PKN2: variants seen among roughly 807,000 people sequenced by gnomAD.
The protein encoded by PKN2 is protein kinase N2.
PKN2 carries 38 observed loss-of-function variants against 119.1 expected under a neutral mutation model. The observed-to-expected ratio is 0.32, with a 90% confidence interval of 0.25 to 0.42. The LOEUF is 0.42. Among genes scored for constraint, PKN2 ranks in the 10% least tolerant of loss-of-function variants. The pLI is 1.00. For missense variants in PKN2, 850 were observed against 1,165.1 expected, an observed-to-expected ratio of 0.73 and a Z score of 3.94; for synonymous variants, 390 against 384.9, an observed-to-expected ratio of 1.01 and a Z score of -0.15.
At chr1:88,789,229 TAGAG>T (rs557629268) in intron 8 of PKN2, among the ~76,000 whole-genome samples, 47 of 152,214 alleles carry the variant, frequency 3.1e-4, no homozygotes, top group African/African-American at 9.4e-4. Flanking sequence ...GTTGAAGTAT[TAGAG>T]AGAGTGAACT....
At chr1:88,725,653 T>C (rs1667866692) in intron 1 of PKN2, among the ~76,000 whole-genome samples, 1 of 152,210 alleles carries the variant, frequency 6.6e-6, no homozygotes, top group Non-Finnish European at 1.5e-5. Flanking sequence ...GTTACATATG[T>C]GATTTGCAAA....
At chr1:88,687,957 A>G (rs192089205) in intron 1 of PKN2, among the ~76,000 whole-genome samples, 5 of 152,332 alleles carry the variant, frequency 3.3e-5, no homozygotes, top group East Asian at 1.9e-4. Flanking sequence ...CTTCACAACA[A>G]TCCAATAAGG....
At chr1:88,742,060 A>G (rs1368130399) in intron 2 of PKN2, among the ~76,000 whole-genome samples, 2 of 152,154 alleles carry the variant, frequency 1.3e-5, no homozygotes, top group Non-Finnish European at 2.9e-5. Context: ...ATCAGTATGT[A>G]TAGTCTTTCT....
chr1:88,798,037 A>T (rs1021471415), intron 8 of PKN2, among the ~76,000 whole-genome samples: 1 of 152,252 alleles, frequency 6.6e-6, no homozygotes, highest in Non-Finnish European at 1.5e-5. Flanking sequence ...AATGCCAAAG[A>T]ATGCAAAAGC....
intron 2 of PKN2, among the ~76,000 whole-genome samples, chr1:88,751,999 AGT>A (rs1669020723): frequency 6.6e-6 from 1 of 152,080 alleles, no homozygotes; most frequent in Non-Finnish European, 1.5e-5. Flanking sequence ...CTGGACTTGG[AGT>A]ATAATGGCGT....
intron 1 of PKN2, among the ~76,000 whole-genome samples, chr1:88,737,554 A>G (rs562709816): frequency 5.3e-5 from 8 of 152,254 alleles, no homozygotes; most frequent in African/African-American, 1.4e-4. Context: ...CGGGGCACCA[A>G]TCAGGCCCAT....
chr1:88,819,417 T>A (rs1367274406), intron 16 of PKN2, among the ~76,000 whole-genome samples: 1 of 152,120 alleles, frequency 6.6e-6, no homozygotes, highest in Non-Finnish European at 1.5e-5. Flanking sequence ...GAAAAAAAGC[T>A]CATCATCACT....
intron 2 of PKN2, among the ~76,000 whole-genome samples, chr1:88,749,321 C>T (rs777958575): frequency 6.6e-6 from 1 of 150,456 alleles, no homozygotes; most frequent in Admixed American, 6.7e-5. Flanking sequence ...AACTCAATCA[C>T]GTGAACCCAG....
intron 6 of PKN2, among the ~76,000 whole-genome samples, chr1:88,779,995 T>TA (rs1396567973): frequency 2.6e-5 from 4 of 152,220 alleles, no homozygotes. Flanking sequence ...TCAAGGTAGT[T>TA]ACAGTTTCAG....
At chr1:88,687,925 T>G (rs1006101220) in intron 1 of PKN2, among the ~76,000 whole-genome samples, 4 of 152,198 alleles carry the variant, frequency 2.6e-5, no homozygotes, top group African/African-American at 9.7e-5. Flanking sequence ...TTGTACTTAG[T>G]GTCCTATACA....
intron 1 of PKN2, among the ~76,000 whole-genome samples, chr1:88,713,399 T>TA (rs1278626777): frequency 6.6e-6 from 1 of 152,226 alleles, no homozygotes; most frequent in Non-Finnish European, 1.5e-5. Flanking sequence ...ACCAACAGTG[T>TA]AAAAGTGTTC....
chr1:88,820,231 TATAAATAGA>T (rs1672212084), intron 16 of PKN2, among the ~76,000 whole-genome samples: 1 of 55,130 alleles, frequency 1.8e-5, no homozygotes, highest in African/African-American at 8.5e-5. Flanking sequence ...TATATATATA[TATAAATAGA>T]AAAAAATAAA....
intron 4 of PKN2, among the ~76,000 whole-genome samples, chr1:88,770,670 C>T (rs553885097): frequency 6.6e-6 from 1 of 150,506 alleles, no homozygotes; most frequent in East Asian, 1.9e-4. Flanking sequence ...ACTGCAAGCT[C>T]CGCCTCCCGG....
intron 1 of PKN2, among the ~76,000 whole-genome samples, chr1:88,718,801 C>G (rs1215943995): frequency 6.6e-6 from 1 of 152,070 alleles, no homozygotes; most frequent in Non-Finnish European, 1.5e-5. Flanking sequence ...ATAGCTTTCC[C>G]CCTTTAGTTT....
intron 2 of PKN2, among the ~76,000 whole-genome samples, chr1:88,750,674 A>G (rs1259338466): frequency 6.6e-6 from 1 of 152,136 alleles, no homozygotes; most frequent in African/African-American, 2.4e-5. Flanking sequence ...CATGTCTAAA[A>G]TTGAACTCTT....
intron 3 of PKN2, among the ~76,000 whole-genome samples, chr1:88,769,776 CAG>C (rs905177629): frequency 5.3e-5 from 8 of 151,996 alleles, no homozygotes; most frequent in Non-Finnish European, 1.2e-4. Context: ...TAAATAGAAA[CAG>C]AGAGTAGAAT....
At chr1:88,812,728 A>T (rs1557629475) in intron 15 of PKN2, among the ~76,000 whole-genome samples, 1 of 152,110 alleles carries the variant, frequency 6.6e-6, no homozygotes. Context: ...ACAGAGCAAG[A>T]TCCTGTCTCA....
chr1:88,763,987 A>T (rs1328669041), intron 3 of PKN2, among the ~76,000 whole-genome samples: 1 of 152,050 alleles, frequency 6.6e-6, no homozygotes, highest in Non-Finnish European at 1.5e-5. Context: ...TTAAATTATT[A>T]CCCTTGTGCA....
rs2100941857 is a variant in PKN2 at position 88,833,609 on chromosome 1, TCTTC to T, written c.*162_*165del. 3 of 602,496 alleles carry T rather than the reference TCTTC, an allele frequency of 5.0e-6. No homozygotes were observed. In the East Asian group the frequency reaches 8.4e-5, roughly 17 times the overall value. 37.3% of individuals were successfully genotyped at this position (602,496 alleles called of 1,614,324 possible). A position where few individuals can be genotyped will look rare whatever the true frequency, so the allele number is the denominator to read the frequency against. ...TGTTTAAAAGTACCATTCTAATACT[TCTTC>T]AAAAGTGGCTCCTCATTGTACTTCA... is the stretch of plus-strand genomic sequence containing the variant. On this transcript the variant is annotated 3_prime_UTR_variant, in exon 22 of 22. Coordinates refer to ENST00000370521, the MANE Select transcript of PKN2 (RefSeq NM_006256.4).
Sources: allele counts gnomAD v4.1 joint callset (sites outside exome capture counted in the v4.1 genomes callset), GRCh38; gene constraint gnomAD v4.1.1; transcripts MANE v1.5; gene names NCBI Gene and HGNC (gene_info 2026-07-23, HGNC 2026-07-21).